ZFAND3: variants seen among roughly 807,000 people sequenced by gnomAD.
ZFAND3 encodes AN1-type zinc finger protein 3.
In ZFAND3, 10 loss-of-function variants were observed where a neutral mutation model predicts 29.6. The ratio of observed to expected loss-of-function variants is 0.34; its 90% CI spans 0.21 to 0.57. The LOEUF is 0.57. Ranked by LOEUF, ZFAND3 falls within the 20% of genes least tolerant of loss-of-function variation. The pLI, the probability that ZFAND3 is intolerant of heterozygous loss-of-function variation, is 0.86. For synonymous variants in ZFAND3, 128 were observed against 112.6 expected, an observed-to-expected ratio of 1.14 and a Z score of -0.87; for missense variants, 230 against 304.5, an observed-to-expected ratio of 0.76 and a Z score of 1.82.
At position 37,976,624 on chromosome 6, in the gene ZFAND3, G is replaced by T. The variant is rs1762483671; in HGVS notation, c.112+46625G>T. 1.3e-5 allele frequency among the ~76,000 whole-genome samples: 2 copies of T among 151,560 alleles called. 1 individual carries two copies. ...AAAAAAAAGATACTACCCGAGACTG[G>T]GTAATTTATAAACAAAAGAGGTTTA... is the stretch of plus-strand genomic sequence containing the variant. On this transcript the variant is annotated intron_variant, in intron 2 of 5. Transcript: ENST00000287218.
intron 2 of ZFAND3, among the ~76,000 whole-genome samples, chr6:38,050,369 C>G (rs923983689): frequency 6.6e-6 from 1 of 152,090 alleles, no homozygotes; most frequent in Non-Finnish European, 1.5e-5. Flanking sequence ...CTCAGCCTTT[C>G]TAGTAGCCAG....
At chr6:37,931,812 C>A (rs968598229) in intron 2 of ZFAND3, among the ~76,000 whole-genome samples, 2 of 152,026 alleles carry the variant, frequency 1.3e-5, no homozygotes, top group African/African-American at 2.4e-5. Flanking sequence ...AGCTTTAGAC[C>A]GTTACATTTG....
chr6:38,086,012 A>G (rs1391523385), intron 4 of ZFAND3, among the ~76,000 whole-genome samples: 5 of 152,210 alleles, frequency 3.3e-5, no homozygotes, highest in Admixed American at 3.3e-4. Context: ...GGGTATTGTC[A>G]TATTTTAGAG....
intron 1 of ZFAND3, among the ~76,000 whole-genome samples, chr6:37,910,867 T>G (rs963145751): frequency 1.3e-5 from 2 of 152,228 alleles, no homozygotes; most frequent in South Asian, 4.1e-4. Flanking sequence ...TTTTTACAAA[T>G]GAAAGAATTT....
At chr6:38,088,241 A>G (rs1203726749) in intron 4 of ZFAND3, 1 of 152,188 alleles carries the variant, frequency 6.6e-6, no homozygotes, top group African/African-American at 2.4e-5. Flanking sequence ...ATTTGCAACA[A>G]CATGGATGGA....
intron 4 of ZFAND3, among the ~76,000 whole-genome samples, chr6:38,102,235 T>C (rs999341101): frequency 2.0e-5 from 3 of 152,152 alleles, no homozygotes; most frequent in African/African-American, 7.2e-5. Flanking sequence ...AAAGCTTGCA[T>C]TATAAGTCAG....
chr6:37,842,609 CT>C (rs1764099289), intron 1 of ZFAND3, among the ~76,000 whole-genome samples: 1 of 151,982 alleles, frequency 6.6e-6, no homozygotes, highest in South Asian at 2.1e-4. Context: ...AATAATAGTA[CT>C]ATAAAAATCA....
intron 3 of ZFAND3, among the ~76,000 whole-genome samples, chr6:38,064,666 C>CTTTTTT (rs35827782): frequency 8.6e-6 from 1 of 115,928 alleles, no homozygotes; most frequent in Non-Finnish European, 1.8e-5. Context: ...CTGCTATGGG[C>CTTTTTT]TTTTTTTTTT....
Position 37,846,332 on chromosome 6 carries a change from A to G in ZFAND3, c.71+26316A>G, listed in dbSNP as rs931164210. Among the ~76,000 whole-genome samples, 11 of 152,382 alleles carry G rather than the reference A, an allele frequency of 7.2e-5. 1 individual carries two copies. Among genetic ancestry groups the G allele is most frequent in the Admixed American group, 3.3e-4 (5 of 15,306 alleles). The stretch of plus-strand genomic sequence containing the variant: ...ATTAAAAAGTGTGGAAAATTGAGCC[A>G]GGTGCAGCTGTTTGGAAGGCTTAGT... On this transcript the variant is annotated intron_variant, in intron 1 of 5. Coordinates refer to ENST00000287218, the MANE Select transcript of ZFAND3 (RefSeq NM_021943.3).
chr6:38,030,103 G>T (rs1053081986), intron 2 of ZFAND3, among the ~76,000 whole-genome samples: 6 of 94,536 alleles, frequency 6.3e-5, no homozygotes, highest in Middle Eastern at 8.6e-3. Flanking sequence ...TATATATATA[G>T]CCTGAGAAGG....
At chr6:37,947,989 C>T (rs1761931590) in intron 2 of ZFAND3, among the ~76,000 whole-genome samples, 2 of 152,070 alleles carry the variant, frequency 1.3e-5, no homozygotes, top group Non-Finnish European at 2.9e-5. Flanking sequence ...TTTTGTATGA[C>T]CCTCATTTAT....
chr6:37,898,256 C>T (rs259680), intron 1 of ZFAND3, among the ~76,000 whole-genome samples: 4 of 152,110 alleles, frequency 2.6e-5, no homozygotes, highest in Admixed American at 1.3e-4. Flanking sequence ...TCAAGTTGAC[C>T]CAGCTCCGTT....
intron 2 of ZFAND3, among the ~76,000 whole-genome samples, chr6:37,970,305 A>G (rs1762363797): frequency 6.6e-6 from 1 of 152,182 alleles, no homozygotes; most frequent in Non-Finnish European, 1.5e-5. Flanking sequence ...AAGTCCGTAA[A>G]TGGTATATGG....
intron 2 of ZFAND3, among the ~76,000 whole-genome samples, chr6:38,021,126 A>T (rs1763341693): frequency 1.3e-5 from 2 of 152,240 alleles, no homozygotes; most frequent in Admixed American, 1.3e-4. Flanking sequence ...AAAAGCACAT[A>T]TTGGAGGAGT....
At chr6:38,092,728 G>A (rs909287255) in intron 4 of ZFAND3, among the ~76,000 whole-genome samples, 6 of 152,146 alleles carry the variant, frequency 3.9e-5, no homozygotes, top group Non-Finnish European at 7.4e-5. Flanking sequence ...GTTCAACTTC[G>A]AGTGCTCAAC....
At chr6:37,873,150 A>G (rs1265216951) in intron 1 of ZFAND3, among the ~76,000 whole-genome samples, 1 of 152,210 alleles carries the variant, frequency 6.6e-6, no homozygotes, top group Admixed American at 6.5e-5. Flanking sequence ...GGGTGCCTGT[A>G]GTACCAGCTA....
At chr6:38,103,486 TATATACAC>T (rs2127479051) in intron 4 of ZFAND3, among the ~76,000 whole-genome samples, 2 of 25,004 alleles carry the variant, frequency 8.0e-5, no homozygotes, top group East Asian at 1.7e-3. Context: ...TATACACACA[TATATACAC>T]GTGTATATAT....
At chr6:38,008,855 A>G (rs542210679) in intron 2 of ZFAND3, among the ~76,000 whole-genome samples, 2 of 151,978 alleles carry the variant, frequency 1.3e-5, no homozygotes, top group South Asian at 4.1e-4. Flanking sequence ...GTGTGCTGTG[A>G]TCTGTAAAAA....
intron 1 of ZFAND3, chr6:37,833,263 A>G (rs1763898359): frequency 6.6e-6 from 1 of 152,148 alleles, no homozygotes; most frequent in Non-Finnish European, 1.5e-5. Flanking sequence ...TCTTCAGTGT[A>G]TAGCTAAATG....
Sources: allele counts gnomAD v4.1 joint callset (sites outside exome capture counted in the v4.1 genomes callset), GRCh38; gene constraint gnomAD v4.1.1; transcripts MANE v1.5; gene names NCBI Gene and HGNC (gene_info 2026-07-23, HGNC 2026-07-21).